SLC25A21: variants seen among roughly 807,000 people sequenced by gnomAD.
SLC25A21 encodes the protein solute carrier family 25 member 21.
SLC25A21 carries 47 observed loss-of-function variants against 43.8 expected under a neutral mutation model. The observed-to-expected ratio is 1.07, with a 90% CI of 0.85 to 1.37. SLC25A21 has a LOEUF of 1.37. Ranked by LOEUF, SLC25A21 falls within the 40% of genes most tolerant of loss-of-function variation. The pLI, the probability that SLC25A21 is intolerant of heterozygous loss-of-function variation, is 0.00. For synonymous variants in SLC25A21, 131 were observed against 121.3 expected (o/e 1.08, Z -0.52); for missense variants, 352 against 350.2 (o/e 1.00, Z -0.04).
chr14:37,065,288 AAAC>A (rs1304948012), intron 1 of SLC25A21, among the ~76,000 whole-genome samples: 2 of 152,332 alleles, frequency 1.3e-5, no homozygotes, highest in African/African-American at 4.8e-5. Flanking sequence ...TTCCCACTGA[AAAC>A]AACAATATTG....
At chr14:36,770,226 G>T (rs1886567487) in intron 3 of SLC25A21, among the ~76,000 whole-genome samples, 1 of 152,160 alleles carries the variant, frequency 6.6e-6, no homozygotes, top group Non-Finnish European at 1.5e-5. Context: ...CAGCAACATG[G>T]ATGCAGCTGG....
intron 1 of SLC25A21, among the ~76,000 whole-genome samples, chr14:37,170,987 G>A (rs964259973): frequency 5.3e-5 from 8 of 151,328 alleles, no homozygotes; most frequent in Admixed American, 3.9e-4. Flanking sequence ...CTACTCAGGA[G>A]GCTGAGATGG....
intron 2 of SLC25A21, among the ~76,000 whole-genome samples, chr14:36,829,635 G>C (rs1407768653): frequency 3.9e-5 from 6 of 152,114 alleles, no homozygotes; most frequent in Non-Finnish European, 1.5e-5. Flanking sequence ...AGTGCCGTCT[G>C]TTTCTCTCAC....
At chr14:36,934,086 A>AT (rs778961687) in intron 1 of SLC25A21, among the ~76,000 whole-genome samples, 1 of 152,226 alleles carries the variant, frequency 6.6e-6, no homozygotes, top group Non-Finnish European at 1.5e-5. Context: ...ATTTAAGTAG[A>AT]TTTTTTTAAG....
At chr14:36,840,465 C>T (rs1450764939) in intron 2 of SLC25A21, among the ~76,000 whole-genome samples, 1 of 152,184 alleles carries the variant, frequency 6.6e-6, no homozygotes, top group Non-Finnish European at 1.5e-5. Flanking sequence ...GTTTTCTCAA[C>T]ATCATTAAAA....
chr14:37,097,273 G>A (rs1962716724), intron 1 of SLC25A21: 1 of 151,836 alleles, frequency 6.6e-6, no homozygotes, highest in African/African-American at 2.4e-5. Context: ...GCTAATTTTT[G>A]TATTTTTAGT....
intron 7 of SLC25A21, among the ~76,000 whole-genome samples, chr14:36,687,744 A>G (rs1882618214): frequency 6.6e-6 from 1 of 152,056 alleles, no homozygotes; most frequent in Non-Finnish European, 1.5e-5. Context: ...AGCATCTCAG[A>G]TGCCTCTCCC....
intron 1 of SLC25A21, among the ~76,000 whole-genome samples, chr14:37,157,740 A>G (rs1326634495): frequency 6.6e-6 from 1 of 152,168 alleles, no homozygotes; most frequent in Non-Finnish European, 1.5e-5. Context: ...ATAATAAAAA[A>G]CAGAGCAGAA....
chr14:36,709,126 G>A (rs1362999887), intron 7 of SLC25A21, among the ~76,000 whole-genome samples: 2 of 152,100 alleles, frequency 1.3e-5, no homozygotes, highest in African/African-American at 2.4e-5. Context: ...TCCTGCCTCA[G>A]CCTCCCGAGT....
chr14:36,683,758 C>T lies in SLC25A21; in HGVS notation c.838+70G>A, dbSNP rs541002465. 4.5e-6 allele frequency: 5 copies of T among 1,113,372 alleles called. No homozygotes were observed. The Middle Eastern group carries it at 6.3e-4, about 140-fold the overall frequency. The allele number at this position is 1,113,372 out of a possible 1,614,324, so 69.0% of individuals were successfully genotyped here. Reference sequence around the variant, plus strand: ...TGGTAAATATTTTGTTGCTGATGGACACAAATATCAAAAAAAGAGACGCTA... The same window carrying T: ...TGGTAAATATTTTGTTGCTGATGGATACAAATATCAAAAAAAGAGACGCTA... On this transcript the variant is annotated intron_variant, in intron 9 of 9. Transcript: ENST00000331299.
chr14:37,072,853 G>A (rs1426423612), intron 1 of SLC25A21, among the ~76,000 whole-genome samples: 1 of 152,214 alleles, frequency 6.6e-6, no homozygotes, highest in Non-Finnish European at 1.5e-5. Context: ...TTATGAAGTA[G>A]TCCTTTCAGC....
chr14:36,939,256 CG>C (rs1892498013), intron 1 of SLC25A21, among the ~76,000 whole-genome samples: 1 of 151,170 alleles, frequency 6.6e-6, no homozygotes. Flanking sequence ...TAAAAAAAGT[CG>C]GGTTGGGGGA....
chr14:36,731,117 C>T (rs4127759), intron 4 of SLC25A21, among the ~76,000 whole-genome samples: 107,833 of 151,086 alleles, frequency 0.71, 39,376 homozygotes, highest in African/African-American at 0.87. Context: ...GGACTACAGG[C>T]GCCCGCTACC....
rs572601428 is a variant in SLC25A21, at chr14:36,741,592, G to A, written c.204-7019C>T. On this transcript the variant is annotated intron_variant, in intron 3 of 9. Transcript: ENST00000331299. Reference sequence around the variant, plus strand: ...CAAAGTCCAGCAACCATCACACTGGGAAAGCCAGGATAGAGATGCACATTA... The same window carrying A: ...CAAAGTCCAGCAACCATCACACTGGAAAAGCCAGGATAGAGATGCACATTA... 2.0e-5 allele frequency among the ~76,000 whole-genome samples: 3 copies of A among 152,254 alleles called. No individual in the cohort carries two copies. In the South Asian group the frequency reaches 6.2e-4, roughly 32 times the overall value.
chr14:37,172,563 C>A lies in SLC25A21; in HGVS notation c.-213G>T. Reference sequence around the variant, plus strand: ...CGCGTCGGAACCTGTTCGCAGCGCTCTCGCAGAGGCGCCCTCGGCTCCGAA... The same window carrying A: ...CGCGTCGGAACCTGTTCGCAGCGCTATCGCAGAGGCGCCCTCGGCTCCGAA... On this transcript the variant is annotated 5_prime_UTR_variant, in exon 1 of 10. Coordinates refer to ENST00000331299, the MANE Select transcript of SLC25A21 (RefSeq NM_030631.4). 1.4e-6 allele frequency: 1 copy of A among 706,734 alleles called. No individual in the cohort carries two copies. Among genetic ancestry groups the A allele is most frequent in the Middle Eastern group, 2.3e-4 (1 of 4,358 alleles). The allele number at this position is 706,734 out of a possible 1,614,324, so 43.8% of individuals were successfully genotyped here. A position where few individuals can be genotyped will look rare whatever the true frequency, so the allele number is the denominator to read the frequency against.
chr14:36,809,452 TGA>T (rs1210745443), intron 3 of SLC25A21, among the ~76,000 whole-genome samples: 2 of 152,158 alleles, frequency 1.3e-5, no homozygotes, highest in Non-Finnish European at 1.5e-5. Flanking sequence ...AAAGCTGTGT[TGA>T]AAAGCCATGT....
chr14:36,765,723 G>A (rs1454572951), intron 3 of SLC25A21, among the ~76,000 whole-genome samples: 3 of 152,130 alleles, frequency 2.0e-5, no homozygotes, highest in Non-Finnish European at 2.9e-5. Flanking sequence ...TGTTTCAAAG[G>A]ATCTTGAAAC....
At chr14:36,904,017 C>A (rs1460522644) in intron 1 of SLC25A21, among the ~76,000 whole-genome samples, 1 of 152,198 alleles carries the variant, frequency 6.6e-6, no homozygotes, top group Non-Finnish European at 1.5e-5. Flanking sequence ...TGAGGACAAA[C>A]TGTCAATATT....
chr14:36,701,587 A>G (rs1221921640), intron 7 of SLC25A21, among the ~76,000 whole-genome samples: 2 of 152,208 alleles, frequency 1.3e-5, no homozygotes, highest in Non-Finnish European at 2.9e-5. Flanking sequence ...TATAAAATAT[A>G]CATATATATA....
Sources: gnomAD v4.1 joint callset for allele counts (sites outside exome capture counted in the v4.1 genomes callset) on GRCh38, gnomAD v4.1.1 for gene constraint, MANE v1.5 for transcripts, NCBI Gene and HGNC (gene_info 2026-07-23, HGNC 2026-07-21) for gene names.